Variants in TRIM23 observed in about 807,000 individuals in gnomAD.
The protein encoded by TRIM23 is E3 ubiquitin-protein ligase TRIM23.
In TRIM23, 27 loss-of-function variants were observed where a neutral mutation model predicts 71.0. The ratio of observed to expected loss-of-function variants is 0.38; its 90% CI spans 0.28 to 0.52. TRIM23 has a LOEUF of 0.52. Among genes scored for constraint, TRIM23 ranks in the 20% least tolerant of loss-of-function variants. The pLI is 0.84. For synonymous variants in TRIM23, 234 were observed against 238.0 expected, an observed-to-expected ratio of 0.98 and a Z score of 0.16; for missense variants, 482 against 692.3, an observed-to-expected ratio of 0.70 and a Z score of 3.41.
At chr5:65,623,803 A>G (rs1755025222) in intron 1 of TRIM23, among the ~76,000 whole-genome samples, 1 of 152,216 alleles carries the variant, frequency 6.6e-6, no homozygotes, top group African/African-American at 2.4e-5. Context: ...CATCTACTTC[A>G]TAAGTAGATA....
chr5:65,600,642 C>CAAAAAAAAAAAAAAAAAAAAAAAAAA (rs1754337762), intron 7 of TRIM23, among the ~76,000 whole-genome samples: 3 of 117,956 alleles, frequency 2.5e-5, no homozygotes. Flanking sequence ...AAAAAAAAAG[C>CAAAAAAAAAAAAAAAAAAAAAAAAAA]AAAAATAGAC....
chr5:65,604,751 G>A (rs1484934547), intron 7 of TRIM23, 160 bp downstream of exon 7: 33 of 557,492 alleles, frequency 5.9e-5, no homozygotes, highest in Middle Eastern at 9.6e-4. Flanking sequence ...ATGTGCTGCC[G>A]AAGTGAGCAC....
At chr5:65,621,634 C>T (rs1754948903) in intron 1 of TRIM23, among the ~76,000 whole-genome samples, 1 of 152,014 alleles carries the variant, frequency 6.6e-6, no homozygotes, top group Non-Finnish European at 1.5e-5. Context: ...TTTGCATCAA[C>T]TCGGTAAATA....
At chr5:65,618,029 T>G (rs1376950078) in intron 2 of TRIM23, 64 bp downstream of exon 2, 1 of 1,429,498 alleles carries the variant, frequency 7.0e-7, no homozygotes, top group Non-Finnish European at 9.3e-7. Context: ...GGACATTGTT[T>G]CCTATGACAT....
intron 10 of TRIM23, 36 bp downstream of exon 10, chr5:65,594,485 T>C (rs1298004402): frequency 5.0e-6 from 8 of 1,589,566 alleles, no homozygotes; most frequent in Non-Finnish European, 6.8e-6. Context: ...TGCACAAAAC[T>C]ACTAAAATAA....
intron 3 of TRIM23, chr5:65,613,838 A>G: frequency 7.3e-7 from 1 of 1,375,014 alleles, no homozygotes. Flanking sequence ...TCCTCTTTTC[A>G]CTTTATTCTT....
At chr5:65,595,027 C>T (rs1160256331) in intron 9 of TRIM23, among the ~76,000 whole-genome samples, 1 of 152,154 alleles carries the variant, frequency 6.6e-6, no homozygotes, top group Admixed American at 6.5e-5. Flanking sequence ...GAATAAAAGA[C>T]TAAAAGATAA....
At chr5:65,594,678 G>T in intron 9 of TRIM23, 33 bp from the exon 10 acceptor site, 1 of 1,514,296 alleles carries the variant, frequency 6.6e-7, no homozygotes, top group Non-Finnish European at 8.8e-7. Context: ...AACAAAAATA[G>T]TCACTTGCTA....
At chr5:65,615,521 G>C in intron 2 of TRIM23, among the ~76,000 whole-genome samples, 1 of 103,066 alleles carries the variant, frequency 9.7e-6, no homozygotes, top group Admixed American at 9.0e-5. Context: ...CCTTCCTCCT[G>C]GCTCTTAAAA....
intron 7 of TRIM23, among the ~76,000 whole-genome samples, chr5:65,603,338 A>T (rs1754411580): frequency 6.6e-6 from 1 of 152,242 alleles, no homozygotes; most frequent in Admixed American, 6.5e-5. Context: ...GCATATCCTC[A>T]CAATGAAGTA....
At position 65,618,129 on chromosome 5, in the gene TRIM23, T is replaced by C. The variant is rs893785834; in HGVS notation, c.208A>G (p.Ile70Val). The C allele has an allele frequency of 1.2e-6, 2 of 1,613,650 alleles. No individual in the cohort carries two copies. The highest frequency in any genetic ancestry group is 2.2e-5 in the East Asian group (1 of 44,862). ...ACTTGTCGATCAAATGGGCAACGGA[T>C]TGCTCTTCCATGAAGAGGTAGGCGA... ...LTRLPLHGRA[I>V]RCPFDRQVTD... is the part of the protein sequence containing the mutation. Residue 70 changes from isoleucine (I) to valine (V), a missense_variant, in exon 2 of 11, where the codon ATC becomes GTC. Physicochemically the swap from Ile to Val is conservative, Grantham distance 29. This residue lies in a region of TRIM23 where 175 missense variants were observed against 196.5 expected (regional missense o/e 0.89). Transcript: ENST00000231524.
intron 5 of TRIM23, 95 bp downstream of exon 5, chr5:65,610,766 T>C (rs1754628082): frequency 9.2e-7 from 1 of 1,084,962 alleles, no homozygotes; most frequent in Non-Finnish European, 1.3e-6. Context: ...GGTGCAATAC[T>C]GGCAAATTGT....
chr5:65,611,686 A>G lies in TRIM23; in HGVS notation c.562T>C (p.Phe188Leu), dbSNP rs1754654289. 6.2e-7 allele frequency: 1 copy of G among 1,614,044 alleles called. No homozygotes were observed. The highest frequency in any genetic ancestry group is 8.5e-7 in the Non-Finnish European group (1 of 1,180,036). ...TGACAACCTTCTTCCAAGCAAACAA[A>G]CTCAATGGCATGCACCTGGTGCTGA... Reference protein sequence around the residue: ...CSQHQVHAIEFVCLEEGCQTS... With the variant: ...CSQHQVHAIELVCLEEGCQTS... The change falls in exon 4 of 11, where the codon TTT becomes CTT. Residue 188 changes from phenylalanine to leucine, a missense_variant. Phe to Leu is a conservative substitution (Grantham distance 22). This residue lies in a region of TRIM23 where 307 missense variants were observed against 495.8 expected (regional missense o/e 0.62). Coordinates refer to ENST00000231524, the MANE Select transcript of TRIM23 (RefSeq NM_001656.4).
Position 65,591,677 on chromosome 5 carries a change from TTACC to T in TRIM23, c.*88_*91del. 9.7e-7 allele frequency: 1 copy of T among 1,029,696 alleles called. No individual in the cohort carries two copies. The highest frequency in any genetic ancestry group is 1.3e-6 in the Non-Finnish European group (1 of 785,642). The allele number at this position is 1,029,696 out of a possible 1,614,324, so 63.8% of individuals were successfully genotyped here. A position where few individuals can be genotyped will look rare whatever the true frequency, so the allele number is the denominator to read the frequency against. On this transcript the variant is annotated 3_prime_UTR_variant, in exon 11 of 11. Coordinates refer to ENST00000231524, the MANE Select transcript of TRIM23 (RefSeq NM_001656.4). ...TATATATATATATATGCATCCTAAA[TTACC>T]ATCTTTTGAGATGTATAATTTCTTA...
chr5:65,596,942 G>T, intron 8 of TRIM23, 109 bp downstream of exon 8: 2 of 1,369,204 alleles, frequency 1.5e-6, no homozygotes, highest in Non-Finnish European at 2.0e-6. Context: ...ATATCTTAGA[G>T]CCAGAAAAGA....
chr5:65,621,895 A>C (rs1336839412), intron 1 of TRIM23, among the ~76,000 whole-genome samples: 1 of 151,286 alleles, frequency 6.6e-6, no homozygotes, highest in Non-Finnish European at 1.5e-5. Context: ...TGGCCTGAGC[A>C]TGGTTCACTG....
At position 65,609,264 on chromosome 5, in the gene TRIM23, G is replaced by C; in HGVS notation, c.1023C>G (p.His341Gln). ...CTACCTGCTGCAAAGTCTTTTCACA[G>C]TGGAGGCAGGCTGCAGAAACCTCTG... The part of the protein sequence containing the change: ...LLSEVSAACL[H>Q]CEKTLQQDDC... The change falls in exon 6 of 11, where the codon CAC becomes CAG. Residue 341 changes from histidine (H) to glutamine (Q), a missense_variant. Around this residue, in one of 2 missense-constraint regions of TRIM23, gnomAD observed 307 missense variants for 495.8 expected, o/e 0.62. Coordinates refer to ENST00000231524, the MANE Select transcript of TRIM23 (RefSeq NM_001656.4). 2 of 1,614,158 alleles carry C rather than the reference G, an allele frequency of 1.2e-6. No individual in the cohort carries two copies. Among genetic ancestry groups the C allele is most frequent in the Non-Finnish European group, 1.7e-6 (2 of 1,180,026 alleles).
At chr5:65,616,641 TAAAAAA>T (rs746034795) in intron 2 of TRIM23, among the ~76,000 whole-genome samples, 1 of 126,288 alleles carries the variant, frequency 7.9e-6, no homozygotes, top group South Asian at 2.5e-4. Flanking sequence ...CACTCTGCTT[TAAAAAA>T]AAAAAAAAAA....
Position 65,595,920 on chromosome 5 carries a change from TGTAGA to T in TRIM23, c.1420+496_1420+500del, listed in dbSNP as rs1345806699. Among the ~76,000 whole-genome samples, 5 of 152,222 alleles carry T rather than the reference TGTAGA, an allele frequency of 3.3e-5. No individual in the cohort carries two copies. The East Asian group carries it at 9.7e-4, about 29-fold the overall frequency. On this transcript the variant is annotated intron_variant, in intron 9 of 10. Coordinates refer to ENST00000231524, the MANE Select transcript of TRIM23 (RefSeq NM_001656.4). Reference sequence around the variant, plus strand: ...AAGACCCAAATGTGACTAAAACCTATGTAGAGTATAGATATGATATAATACGGTTT... The same window carrying T: ...AAGACCCAAATGTGACTAAAACCTATGTATAGATATGATATAATACGGTTT...
Sources: allele counts gnomAD v4.1 joint callset (sites outside exome capture counted in the v4.1 genomes callset), GRCh38; gene constraint gnomAD v4.1.1; regional missense constraint gnomAD v4.1.1; transcripts MANE v1.5; gene names NCBI Gene and HGNC (gene_info 2026-07-23, HGNC 2026-07-21).